NCKAP5: variants seen among roughly 807,000 people sequenced by gnomAD.
NCKAP5 encodes the protein NCK associated protein 5.
A neutral mutation model predicts 167.0 loss-of-function variants in NCKAP5; 92 were observed. That is an observed-to-expected ratio of 0.55 (90% CI 0.47 to 0.66). The LOEUF (loss-of-function observed/expected upper bound fraction) is 0.66, where lower values mean the gene tolerates loss of function less well. NCKAP5 is among the 30% of genes least tolerant of loss of function. The pLI is 0.00. For missense variants in NCKAP5, 2,378 were observed against 2,315.0 expected, an observed-to-expected ratio of 1.03 and a Z score of -0.56; for synonymous variants, 891 against 877.4, an observed-to-expected ratio of 1.02 and a Z score of -0.27.
intron 11 of NCKAP5, among the ~76,000 whole-genome samples, chr2:132,810,024 A>G (rs1185393643): frequency 6.6e-6 from 1 of 152,192 alleles, no homozygotes; most frequent in Non-Finnish European, 1.5e-5. Context: ...AAAAGACTGT[A>G]TCTTTCCTTC....
intron 19 of NCKAP5, among the ~76,000 whole-genome samples, chr2:132,701,584 G>A: frequency 6.6e-6 from 1 of 152,074 alleles, no homozygotes; most frequent in East Asian, 1.9e-4. Flanking sequence ...GATAGTTCAG[G>A]AATAGGAGGT....
At chr2:133,020,439 C>G (rs2078487315) in intron 6 of NCKAP5, among the ~76,000 whole-genome samples, 1 of 152,128 alleles carries the variant, frequency 6.6e-6, no homozygotes, top group Non-Finnish European at 1.5e-5. Flanking sequence ...AAAAGACATG[C>G]ATAAAAGATA....
At chr2:133,582,698 A>G in the NCKAP5 span, among the ~76,000 whole-genome samples, 2 of 152,202 alleles carry the variant, frequency 1.3e-5, no homozygotes, top group East Asian at 1.9e-4. Flanking sequence ...TAGCTTGTCT[A>G]TTAGCGTTTC....
chr2:132,850,142 AT>A (rs1159465319), intron 11 of NCKAP5, among the ~76,000 whole-genome samples: 1 of 152,182 alleles, frequency 6.6e-6, no homozygotes, highest in Non-Finnish European at 1.5e-5. Flanking sequence ...TGATTTGATC[AT>A]GTTACTAGGT....
intron 6 of NCKAP5, among the ~76,000 whole-genome samples, chr2:133,050,055 G>T (rs1249866030): frequency 6.6e-6 from 1 of 152,184 alleles, no homozygotes. Context: ...TACCATGCTG[G>T]CCTTTCCCTT....
At chr2:133,524,206 G>A (rs1225375445) in intron 2 of NCKAP5, among the ~76,000 whole-genome samples, 1 of 152,168 alleles carries the variant, frequency 6.6e-6, no homozygotes, top group East Asian at 1.9e-4. Context: ...AGGTGAAGAT[G>A]TCAGTCTTTT....
At chr2:133,554,763 G>A (rs1439614627) in intron 2 of NCKAP5, among the ~76,000 whole-genome samples, 2 of 152,154 alleles carry the variant, frequency 1.3e-5, no homozygotes, top group Admixed American at 6.5e-5. Flanking sequence ...TCAATATCAG[G>A]TACCATGGGC....
rs551682260 is a variant in NCKAP5 at position 133,409,308 on chromosome 2, G to A, written c.70-106198C>T. Among the ~76,000 whole-genome samples, 3 of 152,302 alleles carry A rather than the reference G, an allele frequency of 2.0e-5. No individual in the cohort carries two copies. The East Asian group carries it at 5.8e-4, about 29-fold the overall frequency. Reference sequence around the variant, plus strand: ...AAAGTCCCAGCTCTCTGTCCCTTTAGTGTCTCACCCACCATCTTTACTGAA... The same window carrying A: ...AAAGTCCCAGCTCTCTGTCCCTTTAATGTCTCACCCACCATCTTTACTGAA... On this transcript the variant is annotated intron_variant, in intron 3 of 19. Coordinates refer to ENST00000409261, the MANE Select transcript of NCKAP5 (RefSeq NM_207363.3).
intron 3 of NCKAP5, chr2:133,391,366 G>C (rs1263502605): frequency 6.4e-6 from 1 of 156,988 alleles, no homozygotes; most frequent in Non-Finnish European, 1.5e-5. Context: ...GTCAATGGGG[G>C]ACAGATATCA....
At chr2:133,583,994 T>C in the NCKAP5 span, among the ~76,000 whole-genome samples, 1 of 152,206 alleles carries the variant, frequency 6.6e-6, no homozygotes, top group African/African-American at 2.4e-5. Flanking sequence ...GACCTCGTGA[T>C]CCACCCACCT....
chr2:132,962,501 T>C (rs1171344783), intron 8 of NCKAP5, among the ~76,000 whole-genome samples: 1 of 152,194 alleles, frequency 6.6e-6, no homozygotes, highest in Admixed American at 6.5e-5. Flanking sequence ...TAGTGTAAAA[T>C]GGATATGCTC....
chr2:133,458,976 T>C (rs745927542), intron 3 of NCKAP5, among the ~76,000 whole-genome samples: 1 of 152,206 alleles, frequency 6.6e-6, no homozygotes, highest in Non-Finnish European at 1.5e-5. Flanking sequence ...GTTGAATCAC[T>C]ACCTGCCTTG....
the NCKAP5 span, among the ~76,000 whole-genome samples, chr2:133,623,879 T>C: frequency 3.3e-5 from 5 of 152,022 alleles, no homozygotes; most frequent in Admixed American, 3.3e-4. Context: ...ATTTGAAAAA[T>C]ATGGAACCAG....
intron 4 of NCKAP5, among the ~76,000 whole-genome samples, chr2:133,273,885 T>C (rs917775534): frequency 6.7e-6 from 1 of 148,228 alleles, no homozygotes; most frequent in Non-Finnish European, 1.5e-5. Flanking sequence ...TCAACACTTA[T>C]TCAGGGTTTA....
chr2:132,991,319 T>C (rs1203295882), intron 7 of NCKAP5, among the ~76,000 whole-genome samples: 1 of 152,186 alleles, frequency 6.6e-6, no homozygotes, highest in Admixed American at 6.5e-5. Flanking sequence ...GAAAATGTTA[T>C]TAATGTCACT....
chr2:133,544,066 T>C (rs1686449379), intron 2 of NCKAP5, among the ~76,000 whole-genome samples: 1 of 152,250 alleles, frequency 6.6e-6, no homozygotes, highest in East Asian at 1.9e-4. Context: ...TACTTAGAAA[T>C]AGCTGATGAT....
At chr2:132,742,609 A>T (rs1679302100) in intron 16 of NCKAP5, among the ~76,000 whole-genome samples, 1 of 151,976 alleles carries the variant, frequency 6.6e-6, no homozygotes, top group Admixed American at 6.6e-5. Flanking sequence ...CAAAGTCTTC[A>T]GAAAGATAAG....
intron 8 of NCKAP5, among the ~76,000 whole-genome samples, chr2:132,884,438 G>T (rs1227357446): frequency 1.3e-5 from 2 of 152,214 alleles, no homozygotes; most frequent in African/African-American, 2.4e-5. Context: ...AGGAAGAGCA[G>T]GCTCCGGTTC....
At chr2:132,722,590 T>G (rs966288604) in intron 19 of NCKAP5, among the ~76,000 whole-genome samples, 1 of 152,134 alleles carries the variant, frequency 6.6e-6, no homozygotes, top group African/African-American at 2.4e-5. Flanking sequence ...GATGTGCTGA[T>G]GACACTCAAA....
Sources: allele counts gnomAD v4.1 joint callset (sites outside exome capture counted in the v4.1 genomes callset), GRCh38; gene constraint gnomAD v4.1.1; transcripts MANE v1.5; gene names NCBI Gene and HGNC (gene_info 2026-07-23, HGNC 2026-07-21).